Variants in AGBL4 observed in about 807,000 individuals in gnomAD.
AGBL4 encodes the protein AGBL carboxypeptidase 4.
AGBL4 carries 58 observed loss-of-function variants against 66.4 expected under a neutral mutation model. The ratio of observed to expected loss-of-function variants is 0.87; its 90% CI spans 0.71 to 1.09. The LOEUF is 1.09. AGBL4 is among the 50% of genes least tolerant of loss of function. The pLI is 0.00. For missense variants in AGBL4, 579 were observed against 631.0 expected (o/e 0.92, Z 0.88); for synonymous variants, 234 against 222.9 (o/e 1.05, Z -0.44).
chr1:49,010,920 A>C (rs1475122760), intron 5 of AGBL4, among the ~76,000 whole-genome samples: 1 of 152,320 alleles, frequency 6.6e-6, no homozygotes, highest in Middle Eastern at 3.4e-3. Context: ...CTAAAACCAT[A>C]AAAACTCTAG....
chr1:48,556,732 G>C (rs1010092708), intron 11 of AGBL4, among the ~76,000 whole-genome samples: 47 of 152,188 alleles, frequency 3.1e-4, no homozygotes, highest in Non-Finnish European at 2.5e-4. Flanking sequence ...GTTCTCTCAT[G>C]ATGGTAAATT....
In AGBL4 at chr1:49,103,136, C is replaced by T. The variant is rs375089338; in HGVS notation, c.378-57336G>A. Among the ~76,000 whole-genome samples, 49 of 152,346 alleles carry T rather than the reference C, an allele frequency of 3.2e-4. 1 individual carries two copies. In the South Asian group the frequency reaches 9.5e-3, roughly 30 times the overall value. ...CAATCTCCCTCAGCATTTTCAGCCC[C>T]TGTTAGTGCTTACCCAATAGTTTCT... On this transcript the variant is annotated intron_variant, in intron 4 of 13. Coordinates refer to ENST00000371839, the MANE Select transcript of AGBL4 (RefSeq NM_032785.4).
At chr1:48,783,672 A>C (rs1202594892) in intron 6 of AGBL4, among the ~76,000 whole-genome samples, 1 of 152,144 alleles carries the variant, frequency 6.6e-6, no homozygotes, top group Non-Finnish European at 1.5e-5. Flanking sequence ...CTTTCTGTGT[A>C]TAAGGATCAC....
rs575267999 is a variant in AGBL4 at position 48,966,634 on chromosome 1, A to G, written c.594+78950T>C. Among the ~76,000 whole-genome samples, 7 of 152,304 alleles carry G rather than the reference A, an allele frequency of 4.6e-5. No homozygotes were observed. In the South Asian group the frequency reaches 1.4e-3, roughly 32 times the overall value. ...GAAAAAACTCTAATGCCTATGGTAC[A>G]ATTCATCATGGGGAATTTTATGGCA... is the stretch of plus-strand genomic sequence containing the variant. On this transcript the variant is annotated intron_variant, in intron 5 of 13. Coordinates refer to ENST00000371839, the MANE Select transcript of AGBL4 (RefSeq NM_032785.4).
chr1:49,926,836 G>C (rs889913921), intron 1 of AGBL4, among the ~76,000 whole-genome samples: 7 of 152,144 alleles, frequency 4.6e-5, no homozygotes, highest in African/African-American at 1.4e-4. Flanking sequence ...CAGGCTGTAG[G>C]GTTCACTAGA....
intron 1 of AGBL4, among the ~76,000 whole-genome samples, chr1:49,921,131 C>A (rs1652190047): frequency 6.6e-6 from 1 of 151,980 alleles, no homozygotes. Flanking sequence ...AGGAGATATA[C>A]CTAACGTAAA....
At chr1:49,453,847 T>A in intron 3 of AGBL4, among the ~76,000 whole-genome samples, 1 of 151,788 alleles carries the variant, frequency 6.6e-6, no homozygotes, top group Non-Finnish European at 1.5e-5. Context: ...TATTATAAAA[T>A]AAATGGAAGG....
At chr1:48,993,261 T>G (rs2148981024) in intron 5 of AGBL4, among the ~76,000 whole-genome samples, 1 of 152,286 alleles carries the variant, frequency 6.6e-6, no homozygotes, top group South Asian at 2.1e-4. Flanking sequence ...CTGGCTCAAG[T>G]TATGACTAGA....
chr1:48,641,702 G>A (rs1168180060), intron 8 of AGBL4, among the ~76,000 whole-genome samples: 1 of 152,146 alleles, frequency 6.6e-6, no homozygotes, highest in Non-Finnish European at 1.5e-5. Flanking sequence ...CAGTTGAACT[G>A]TATAAATAGA....
intron 5 of AGBL4, among the ~76,000 whole-genome samples, chr1:48,927,336 G>T (rs1029061474): frequency 1.8e-4 from 27 of 152,154 alleles, no homozygotes; most frequent in Non-Finnish European, 3.7e-4. Context: ...AGCATGTGCA[G>T]GGTAACTCCG....
At chr1:49,158,464 G>C (rs1008859264) in intron 4 of AGBL4, among the ~76,000 whole-genome samples, 6 of 152,156 alleles carry the variant, frequency 3.9e-5, no homozygotes, top group Non-Finnish European at 7.3e-5. Flanking sequence ...TTTTGCATTT[G>C]CTGAGGAGTG....
chr1:49,527,644 G>T (rs1259133251), intron 3 of AGBL4: 1 of 152,090 alleles, frequency 6.6e-6, no homozygotes. Context: ...CATCCCACTT[G>T]ACTGGACAAA....
At chr1:50,018,980 T>C (rs1293757914) in intron 1 of AGBL4, among the ~76,000 whole-genome samples, 2 of 152,102 alleles carry the variant, frequency 1.3e-5, no homozygotes, top group Admixed American at 6.6e-5. Flanking sequence ...CCAAAATTAA[T>C]TTGATAGCAA....
chr1:49,057,835 T>C (rs1644333972), intron 4 of AGBL4, among the ~76,000 whole-genome samples: 1 of 152,178 alleles, frequency 6.6e-6, no homozygotes, highest in African/African-American at 2.4e-5. Context: ...TAATCTAGTA[T>C]ATGATGGTAC....
intron 4 of AGBL4, among the ~76,000 whole-genome samples, chr1:49,148,006 A>C (rs1646253488): frequency 6.6e-6 from 1 of 152,194 alleles, no homozygotes; most frequent in African/African-American, 2.4e-5. Flanking sequence ...ATACAATGCA[A>C]AGAACTTGGG....
intron 6 of AGBL4, among the ~76,000 whole-genome samples, chr1:48,777,940 A>T (rs1645174895): frequency 6.6e-6 from 1 of 152,134 alleles, no homozygotes; most frequent in Non-Finnish European, 1.5e-5. Flanking sequence ...CTCCAAGACA[A>T]GCCGTGAGGA....
At chr1:49,002,004 AC>A (rs1207665220) in intron 5 of AGBL4, among the ~76,000 whole-genome samples, 1 of 152,228 alleles carries the variant, frequency 6.6e-6, no homozygotes, top group Non-Finnish European at 1.5e-5. Flanking sequence ...TGCATTAAGT[AC>A]TATGTTTAAG....
intron 3 of AGBL4, among the ~76,000 whole-genome samples, chr1:49,620,033 G>A (rs1044313483): frequency 1.3e-5 from 2 of 152,086 alleles, no homozygotes; most frequent in African/African-American, 4.8e-5. Flanking sequence ...AGAACACCTA[G>A]GCAATACCAT....
chr1:49,880,882 G>C (rs1647227662), intron 1 of AGBL4, among the ~76,000 whole-genome samples: 1 of 152,154 alleles, frequency 6.6e-6, no homozygotes, highest in Non-Finnish European at 1.5e-5. Context: ...TTTTAAGCCG[G>C]TCTGAAAAGC....
Sources: allele counts gnomAD v4.1 joint callset (sites outside exome capture counted in the v4.1 genomes callset), GRCh38; gene constraint gnomAD v4.1.1; transcripts MANE v1.5; gene names NCBI Gene and HGNC (gene_info 2026-07-23, HGNC 2026-07-21).